PEAK1: variants seen among roughly 807,000 people sequenced by gnomAD.
The protein encoded by PEAK1 is inactive tyrosine-protein kinase PEAK1.
In PEAK1, 54 loss-of-function variants were observed where a neutral mutation model predicts 124.7. That is an observed-to-expected ratio of 0.43 (90% confidence interval 0.35 to 0.54). The LOEUF is 0.54. Among genes scored for constraint, PEAK1 ranks in the 20% least tolerant of loss-of-function variants. The pLI is 0.01. For missense variants in PEAK1, 2,046 were observed against 2,134.5 expected (o/e 0.96, Z 0.82); for synonymous variants, 719 against 760.0 (o/e 0.95, Z 0.89).
chr15:77,313,993 G>A (rs79089233), intron 2 of PEAK1, among the ~76,000 whole-genome samples: 3,276 of 152,030 alleles, frequency 0.022, 115 homozygotes, highest in African/African-American at 0.074. Context: ...CATCAACAGC[G>A]ATAAGTCATG....
chr15:77,269,710 A>G (rs933260581), intron 5 of PEAK1, among the ~76,000 whole-genome samples: 2 of 152,210 alleles, frequency 1.3e-5, no homozygotes, highest in African/African-American at 4.8e-5. Flanking sequence ...CACATGGAAC[A>G]TTCTCCAAGA....
chr15:77,300,971 C>A (rs540853711), intron 2 of PEAK1, among the ~76,000 whole-genome samples: 2 of 152,124 alleles, frequency 1.3e-5, no homozygotes, highest in Non-Finnish European at 2.9e-5. Context: ...CCTGTCTCAG[C>A]CTCCAGAGTA....
Position 77,153,232 on chromosome 15 carries a change from C to T in PEAK1, c.3331+5271G>A, listed in dbSNP as rs181487861. 3.9e-4 allele frequency among the ~76,000 whole-genome samples: 59 copies of T among 152,088 alleles called. 1 individual carries two copies. Among genetic ancestry groups the T allele is most frequent in the Non-Finnish European group, 7.8e-4 (53 of 68,030 alleles). On this transcript the variant is annotated intron_variant, in intron 8 of 9. Transcript: ENST00000682557. ...TTTAGTCTTGGATGGGTGTATGTGT[C>T]GAGGAATTTATCCATTTCTTCTAGG...
chr15:77,167,596 G>C (rs777537398), intron 7 of PEAK1, among the ~76,000 whole-genome samples: 2 of 152,206 alleles, frequency 1.3e-5, no homozygotes, highest in Non-Finnish European at 1.5e-5. Flanking sequence ...TCAGGAGACA[G>C]AGCAGCTATT....
chr15:77,117,672 C>T (rs2051514418), intron 9 of PEAK1, among the ~76,000 whole-genome samples: 1 of 152,062 alleles, frequency 6.6e-6, no homozygotes, highest in African/African-American at 2.4e-5. Context: ...CCAGGGTCAG[C>T]CCTGACAAAC....
In PEAK1 at chr15:77,343,780, C is replaced by T. The variant is rs1207495787; in HGVS notation, c.-603+21383G>A. 1.1e-4 allele frequency among the ~76,000 whole-genome samples: 16 copies of T among 152,182 alleles called. No individual in the cohort carries two copies. In the East Asian group the frequency reaches 1.7e-3, roughly 17 times the overall value. ...GGATTACAGGTGTGAGAAACCGCGC[C>T]GGCCTTATCTATTTTTTCTTTTGTT... is the stretch of plus-strand genomic sequence containing the variant. On this transcript the variant is annotated intron_variant, in intron 2 of 9. Transcript: ENST00000682557.
At chr15:77,153,580 G>T (rs546432269) in intron 8 of PEAK1, among the ~76,000 whole-genome samples, 1 of 152,244 alleles carries the variant, frequency 6.6e-6, no homozygotes, top group African/African-American at 2.4e-5. Flanking sequence ...TGATGTTAGG[G>T]TGTCAATTTT....
In PEAK1 at chr15:77,165,379, T is replaced by G. The variant is rs12910127; in HGVS notation, c.3138-6683A>C. Among the ~76,000 whole-genome samples the G allele has an allele frequency of 2.9e-3, 443 of 152,070 alleles. 1 individual carries two copies. The highest frequency in any genetic ancestry group is 0.01 in the African/African-American group (429 of 41,490). On this transcript the variant is annotated intron_variant, in intron 7 of 9. Transcript: ENST00000682557. ...CCGGCTAATTATTTTGTATTTTTAGTAGAGATGGGGTTTCGCCATGTTGGC... is the reference window on the plus strand; with the variant it reads ...CCGGCTAATTATTTTGTATTTTTAGGAGAGATGGGGTTTCGCCATGTTGGC...
At chr15:77,102,441 C>T (rs766038152) in exon 7 of PEAK1, 14 of 152,212 alleles carry the variant, frequency 9.2e-5, no homozygotes, top group Non-Finnish European at 1.6e-4. Context: ...ACACCTTCCA[C>T]CGTCTCTTAG....
intron 1 of PEAK1, among the ~76,000 whole-genome samples, chr15:77,410,979 T>A (rs1351845041): frequency 1.3e-5 from 2 of 152,234 alleles, no homozygotes; most frequent in Non-Finnish European, 2.9e-5. Context: ...AATGAAAGCC[T>A]ACCTATTTTT....
chr15:77,379,812 C>T (rs1272651677), intron 1 of PEAK1, among the ~76,000 whole-genome samples: 1 of 152,170 alleles, frequency 6.6e-6, no homozygotes, highest in Middle Eastern at 3.2e-3. Flanking sequence ...AGACTAAATG[C>T]TGTTTCACTA....
At chr15:77,169,488 G>A (rs1004630937) in intron 7 of PEAK1, among the ~76,000 whole-genome samples, 1 of 152,158 alleles carries the variant, frequency 6.6e-6, no homozygotes, top group Non-Finnish European at 1.5e-5. Context: ...CATGATTTTA[G>A]TCACTAACCA....
chr15:77,283,483 T>TC (rs1483882377), intron 5 of PEAK1, among the ~76,000 whole-genome samples: 1 of 152,032 alleles, frequency 6.6e-6, no homozygotes, highest in East Asian at 1.9e-4. Context: ...GAAAAACTGC[T>TC]CATACCCACA....
At chr15:77,296,704 A>ATAAAATGG (rs981537451) in intron 2 of PEAK1, among the ~76,000 whole-genome samples, 16 of 151,856 alleles carry the variant, frequency 1.1e-4, no homozygotes, top group Non-Finnish European at 1.8e-4. Flanking sequence ...ATAAAATAAA[A>ATAAAATGG]TAAAATGGTA....
At chr15:77,182,948 A>G (rs1049743450) in intron 6 of PEAK1, among the ~76,000 whole-genome samples, 2 of 152,042 alleles carry the variant, frequency 1.3e-5, no homozygotes, top group Admixed American at 1.3e-4. Flanking sequence ...TCTTACGTAT[A>G]TAAGTCCAAC....
chr15:77,180,296 T>C lies in PEAK1; in HGVS notation c.1631A>G (p.Lys544Arg), dbSNP rs199768085. The C allele has an allele frequency of 3.1e-6, 5 of 1,614,182 alleles. No individual in the cohort carries two copies. The highest frequency in any genetic ancestry group is 4.2e-6 in the Non-Finnish European group (5 of 1,180,004). ...AGTAATTAGTTCTACTTTAGGTATCTTTTGTCGTGGACTGGTGCTAGAAGT... is the reference window on the plus strand; with the variant it reads ...AGTAATTAGTTCTACTTTAGGTATCCTTTGTCGTGGACTGGTGCTAGAAGT... Reference protein sequence around the residue: ...VWTSSTSPRQKIPKVELITSG... With the variant: ...VWTSSTSPRQRIPKVELITSG... The change falls in exon 7 of 10, where the codon AAG becomes AGG. Residue 544 changes from lysine to arginine, a missense_variant. Coordinates refer to ENST00000682557, the MANE Select transcript of PEAK1 (RefSeq NM_001385026.1).
At chr15:77,336,657 C>A in intron 2 of PEAK1, 1 of 482,204 alleles carries the variant, frequency 2.1e-6, no homozygotes, top group Non-Finnish European at 2.7e-6. Context: ...ACAGATCAAT[C>A]ACATTCTTGA....
chr15:77,106,803 G>C (rs2050758429), downstream of PEAK1: 1 of 152,094 alleles, frequency 6.6e-6, no homozygotes, highest in South Asian at 2.1e-4. Context: ...TGGAGGTATG[G>C]GGAGTTCCTT....
chr15:77,219,123 A>G (rs2059274096), intron 6 of PEAK1, among the ~76,000 whole-genome samples: 2 of 152,202 alleles, frequency 1.3e-5, no homozygotes, highest in African/African-American at 2.4e-5. Flanking sequence ...AGATTAATAT[A>G]TGTATACTGT....
Sources: gnomAD v4.1 joint callset for allele counts (sites outside exome capture counted in the v4.1 genomes callset) on GRCh38, gnomAD v4.1.1 for gene constraint, MANE v1.5 for transcripts, NCBI Gene and HGNC (gene_info 2026-07-23, HGNC 2026-07-21) for gene names.